The following FHIT variants were observed in gnomAD, a reference collection of about 807,000 sequenced individuals.
The protein encoded by FHIT is bis(5'-adenosyl)-triphosphatase.
In FHIT, 19 loss-of-function variants were observed where a neutral mutation model predicts 17.9. The ratio of observed to expected loss-of-function variants is 1.06; its 90% CI spans 0.74 to 1.56. The LOEUF (loss-of-function observed/expected upper bound fraction) is 1.56. FHIT is among the 40% of genes most tolerant of loss of function. The probability of loss-of-function intolerance (pLI) is 0.00; values close to 1 mark genes in which losing one functional copy is unlikely to be tolerated. For missense variants in FHIT, 248 were observed against 189.2 expected, an observed-to-expected ratio of 1.31 and a Z score of -1.82; for synonymous variants, 81 against 69.7, an observed-to-expected ratio of 1.16 and a Z score of -0.81.
At chr3:61,028,109 C>T (rs1324173028) in intron 3 of FHIT, among the ~76,000 whole-genome samples, 2 of 152,128 alleles carry the variant, frequency 1.3e-5, no homozygotes, top group African/African-American at 4.8e-5. Context: ...GGTAAGGCTA[C>T]CAAATTAGAT....
intron 8 of FHIT, among the ~76,000 whole-genome samples, chr3:59,912,654 T>G (rs1293470433): frequency 6.6e-6 from 1 of 152,196 alleles, no homozygotes; most frequent in Non-Finnish European, 1.5e-5. Flanking sequence ...TTTCAATAAC[T>G]CTGAAGAGCT....
rs9877613 is a variant in FHIT at position 61,113,586 on chromosome 3, A to G, written c.-163-71487T>C. 8.4e-3 allele frequency among the ~76,000 whole-genome samples: 1,277 copies of G among 152,068 alleles called. 14 individuals are homozygous for G. The highest frequency in any genetic ancestry group is 0.029 in the African/African-American group (1,187 of 41,478). On this transcript the variant is annotated intron_variant, in intron 2 of 9. Transcript: ENST00000492590. ...TAGGTTACCTTAGAAAGCCCCCCACACCTGGGTTATTTCCTAGTTCTATGT... is the reference window on the plus strand; with the variant it reads ...TAGGTTACCTTAGAAAGCCCCCCACGCCTGGGTTATTTCCTAGTTCTATGT...
chr3:59,991,139 A>G (rs1709213790), intron 7 of FHIT, among the ~76,000 whole-genome samples: 1 of 152,066 alleles, frequency 6.6e-6, no homozygotes, highest in Non-Finnish European at 1.5e-5. Context: ...AAGCAGAATT[A>G]GGCCATGTGT....
intron 4 of FHIT, among the ~76,000 whole-genome samples, chr3:60,594,411 C>T (rs1553665503): frequency 1.3e-5 from 2 of 152,166 alleles, no homozygotes; most frequent in Admixed American, 6.5e-5. Context: ...GAAACCACAA[C>T]TTTTGCAGCC....
intron 8 of FHIT, among the ~76,000 whole-genome samples, chr3:59,779,199 T>C (rs1353547500): frequency 6.6e-6 from 1 of 152,210 alleles, no homozygotes; most frequent in Non-Finnish European, 1.5e-5. Flanking sequence ...AAAGACTTTC[T>C]AGAAAGAGAT....
intron 4 of FHIT, among the ~76,000 whole-genome samples, chr3:60,713,416 A>G (rs1553705739): frequency 6.6e-6 from 1 of 150,900 alleles, no homozygotes; most frequent in Non-Finnish European, 1.5e-5. Flanking sequence ...AAGGCAAGAA[A>G]TAACTAAAAT....
At chr3:60,709,267 C>G (rs2041454338) in intron 4 of FHIT, among the ~76,000 whole-genome samples, 1 of 152,144 alleles carries the variant, frequency 6.6e-6, no homozygotes, top group Non-Finnish European at 1.5e-5. Context: ...GTGGCATTGT[C>G]TCAACATCAC....
Position 60,209,149 on chromosome 3 carries a change from A to AGGCC in FHIT, c.104-194998_104-194997insGGCC, listed in dbSNP as rs780599491. Among the ~76,000 whole-genome samples the AGGCC allele has an allele frequency of 7.2e-4, 110 of 152,334 alleles. 1 individual carries two copies. Among genetic ancestry groups the AGGCC allele is most frequent in the Non-Finnish European group, 1.2e-3 (81 of 68,030 alleles). On this transcript the variant is annotated intron_variant, in intron 5 of 9. Transcript: ENST00000492590. ...CATTTACCCAATGTATTCAGGCCTT[A>AGGCC]TGAACCTAGTGATTAACATATTTTT... is the stretch of plus-strand genomic sequence containing the variant.
chr3:60,257,749 A>G (rs1706076187), intron 5 of FHIT, among the ~76,000 whole-genome samples: 1 of 152,176 alleles, frequency 6.6e-6, no homozygotes, highest in African/African-American at 2.4e-5. Context: ...TTGCAGTGAC[A>G]TGGATGAAAC....
At chr3:60,027,665 G>T (rs1382693364) in intron 5 of FHIT, among the ~76,000 whole-genome samples, 1 of 149,856 alleles carries the variant, frequency 6.7e-6, no homozygotes, top group Non-Finnish European at 1.5e-5. Flanking sequence ...AACCACAAGC[G>T]TTCTCCCTGA....
At chr3:60,478,159 A>G (rs1306573774) in intron 5 of FHIT, among the ~76,000 whole-genome samples, 2 of 152,202 alleles carry the variant, frequency 1.3e-5, no homozygotes, top group African/African-American at 4.8e-5. Flanking sequence ...ACCAAACATA[A>G]TTCTTCCAAT....
intron 5 of FHIT, among the ~76,000 whole-genome samples, chr3:60,074,495 TATTC>T (rs3884255): frequency 5.9e-5 from 9 of 151,734 alleles, no homozygotes; most frequent in Admixed American, 2.0e-4. Flanking sequence ...AAAATTTGCT[TATTC>T]ATTCATTCAT....
At chr3:59,956,748 C>T (rs2107327823) in intron 7 of FHIT, among the ~76,000 whole-genome samples, 1 of 152,270 alleles carries the variant, frequency 6.6e-6, no homozygotes. Context: ...GAACAGTAGC[C>T]ACCTCACATA....
chr3:60,657,206 T>C (rs1415153371), intron 4 of FHIT, among the ~76,000 whole-genome samples: 2 of 152,140 alleles, frequency 1.3e-5, no homozygotes, highest in East Asian at 3.9e-4. Flanking sequence ...TCTCAACCAG[T>C]ATCCCTAGGA....
intron 4 of FHIT, among the ~76,000 whole-genome samples, chr3:60,652,162 A>AG (rs1476908327): frequency 6.6e-6 from 1 of 152,146 alleles, no homozygotes; most frequent in Non-Finnish European, 1.5e-5. Context: ...GGGGCTGAAA[A>AG]GGGGGGTTAA....
intron 5 of FHIT, among the ~76,000 whole-genome samples, chr3:60,414,063 T>A (rs905864144): frequency 3.3e-5 from 5 of 152,218 alleles, no homozygotes; most frequent in Non-Finnish European, 5.9e-5. Flanking sequence ...AAGACTGGAA[T>A]GATAGGCGGG....
chr3:59,944,261 T>C (rs1171602261), intron 7 of FHIT, among the ~76,000 whole-genome samples: 2 of 152,194 alleles, frequency 1.3e-5, no homozygotes, highest in Non-Finnish European at 2.9e-5. Flanking sequence ...ACAATGCGTG[T>C]GTATAGTTAG....
chr3:60,653,398 CCTAGA>C (rs552415623), intron 4 of FHIT, among the ~76,000 whole-genome samples: 3 of 151,786 alleles, frequency 2.0e-5, no homozygotes, highest in South Asian at 4.2e-4. Context: ...GAAAAAATCT[CCTAGA>C]CTATAGACCA....
In FHIT at chr3:60,037,230, C is replaced by A. The variant is rs565774038; in HGVS notation, c.104-23078G>T. Among the ~76,000 whole-genome samples, 54 of 152,210 alleles carry A rather than the reference C, an allele frequency of 3.5e-4. No individual in the cohort carries two copies. In the Middle Eastern group the frequency reaches 0.014, roughly 38 times the overall value. On this transcript the variant is annotated intron_variant, in intron 5 of 9. Coordinates refer to ENST00000492590, the MANE Select transcript of FHIT (RefSeq NM_002012.4). ...CATGCACTCTTTTTATTTGTGTAGT[C>A]TGAGTTGAACCTTTTCTAAAACAAG... is the stretch of plus-strand genomic sequence containing the variant.
Sources: gnomAD v4.1 joint callset for allele counts (sites outside exome capture counted in the v4.1 genomes callset) on GRCh38, gnomAD v4.1.1 for gene constraint, MANE v1.5 for transcripts, NCBI Gene and HGNC (gene_info 2026-07-23, HGNC 2026-07-21) for gene names.